Variants in RANBP2 observed in about 807,000 individuals in gnomAD.
The protein encoded by RANBP2 is RAN binding protein 2.
RANBP2 carries 57 observed loss-of-function variants against 303.6 expected under a neutral mutation model. The observed-to-expected ratio is 0.19, with a 90% CI of 0.15 to 0.23. RANBP2 has a LOEUF of 0.23. Among genes scored for constraint, RANBP2 ranks in the 10% least tolerant of loss-of-function variants. The pLI is 1.00. For synonymous variants in RANBP2, 1,167 were observed against 1,301.5 expected (o/e 0.90, Z 2.23); for missense variants, 3,138 against 3,780.8 (o/e 0.83, Z 4.46).
intron 7 of RANBP2, among the ~76,000 whole-genome samples, chr2:108,741,495 C>CT (rs34872068): frequency 0.17 from 10,601 of 61,820 alleles, 3,563 homozygotes; most frequent in East Asian, 0.69. Context: ...TGCGCCTGGC[C>CT]TTTTTTTTTT....
the RANBP2 span, among the ~76,000 whole-genome samples, chr2:109,277,128 G>T: frequency 3.9e-5 from 6 of 152,306 alleles, no homozygotes; most frequent in South Asian, 1.2e-3. Context: ...ACTGTAGGAG[G>T]GGGCATGGGG....
chr2:109,163,543 C>T, the RANBP2 span, among the ~76,000 whole-genome samples: 26 of 149,768 alleles, frequency 1.7e-4, no homozygotes, highest in East Asian at 1.2e-3. Context: ...GGACTACAGG[C>T]GCCCGCCACT....
chr2:109,139,396 CAT>C, the RANBP2 span, among the ~76,000 whole-genome samples: 1 of 151,864 alleles, frequency 6.6e-6, no homozygotes, highest in African/African-American at 2.4e-5. Context: ...GTAGTCTAAA[CAT>C]GTGCAGTATG....
the RANBP2 span, among the ~76,000 whole-genome samples, chr2:109,596,219 C>A: frequency 6.6e-6 from 1 of 152,064 alleles, no homozygotes; most frequent in African/African-American, 2.4e-5. Flanking sequence ...TTAAAAATTA[C>A]TGGTAAAAAA....
chr2:109,774,688 GGAA>G, the RANBP2 span, among the ~76,000 whole-genome samples: 3 of 47,712 alleles, frequency 6.3e-5, no homozygotes, highest in Admixed American at 3.9e-4. Flanking sequence ...TTAGACTAGT[GGAA>G]TTCTAATTAA....
At chr2:108,743,054 G>T (rs1171043125) in intron 7 of RANBP2, among the ~76,000 whole-genome samples, 3 of 152,242 alleles carry the variant, frequency 2.0e-5, no homozygotes, top group Non-Finnish European at 4.4e-5. Context: ...CTCCCAAAGT[G>T]CTGGCATTAT....
intron 6 of RANBP2, among the ~76,000 whole-genome samples, chr2:108,740,210 T>A (rs1250221333): frequency 6.6e-6 from 1 of 152,226 alleles, no homozygotes; most frequent in Non-Finnish European, 1.5e-5. Context: ...TTTTGAAATG[T>A]GCACCTATAA....
the RANBP2 span, among the ~76,000 whole-genome samples, chr2:109,370,244 T>TC: frequency 6.8e-6 from 1 of 147,122 alleles, no homozygotes; most frequent in Admixed American, 6.7e-5. Context: ...TCTCTCTTTT[T>TC]CTTTTTTTTT....
At chr2:108,981,375 C>T in the RANBP2 span, among the ~76,000 whole-genome samples, 2 of 152,194 alleles carry the variant, frequency 1.3e-5, no homozygotes, top group Non-Finnish European at 2.9e-5. Flanking sequence ...AGAAGAAAGG[C>T]TCCTGAGGTT....
the RANBP2 span, among the ~76,000 whole-genome samples, chr2:109,319,561 A>G: frequency 6.6e-6 from 1 of 152,248 alleles, no homozygotes; most frequent in Admixed American, 6.5e-5. Context: ...CACAGGGCTG[A>G]AAACAAGCCC....
Position 108,755,058 on chromosome 2 carries a change from T to A in RANBP2, c.2356T>A (p.Ser786Thr), listed in dbSNP as rs138739728. ...TTCTACACCGTCTCCTACCAGATAT[T>A]CACTATCACCAAGTAAAAGTTACAA... ...KHSTPSPTRY[S>T]LSPSKSYKYS... The change falls in exon 16 of 29, where the codon TCA becomes ACA. Residue 786 changes from serine to threonine, a missense_variant. Ser to Thr is a moderately conservative substitution (Grantham distance 58, BLOSUM62 1). Coordinates refer to ENST00000283195, the MANE Select transcript of RANBP2 (RefSeq NM_006267.5). 4 of 1,611,964 alleles carry A rather than the reference T, an allele frequency of 2.5e-6. No homozygotes were observed. Among genetic ancestry groups the A allele is most frequent in the Non-Finnish European group, 3.4e-6 (4 of 1,179,844 alleles).
At chr2:108,805,568 A>G in the RANBP2 span, among the ~76,000 whole-genome samples, 1 of 51,474 alleles carries the variant, frequency 1.9e-5, no homozygotes, top group Non-Finnish European at 4.7e-5. Flanking sequence ...TACCAAAAAT[A>G]CAAAAAAAAA....
At chr2:109,688,602 A>G in the RANBP2 span, among the ~76,000 whole-genome samples, 1 of 151,788 alleles carries the variant, frequency 6.6e-6, no homozygotes, top group African/African-American at 2.4e-5. Context: ...AACGTGGTGA[A>G]ACCTTGTCTC....
chr2:109,223,096 C>G, the RANBP2 span, among the ~76,000 whole-genome samples: 7 of 152,358 alleles, frequency 4.6e-5, no homozygotes, highest in East Asian at 1.3e-3. Flanking sequence ...CTTCTCCATC[C>G]CAGACAGGGG....
At chr2:109,426,993 G>A in the RANBP2 span, among the ~76,000 whole-genome samples, 2 of 151,458 alleles carry the variant, frequency 1.3e-5, no homozygotes, top group South Asian at 2.1e-4. Context: ...TTTTTGAGAC[G>A]AGTCTCGCTC....
chr2:109,276,368 A>G, the RANBP2 span, among the ~76,000 whole-genome samples: 1 of 152,206 alleles, frequency 6.6e-6, no homozygotes, highest in Non-Finnish European at 1.5e-5. Context: ...CCCGTAGTAG[A>G]TGTAGCAGCT....
chr2:109,265,704 G>A, the RANBP2 span, among the ~76,000 whole-genome samples: 3 of 152,238 alleles, frequency 2.0e-5, no homozygotes, highest in Non-Finnish European at 2.9e-5. Flanking sequence ...TCTGATTATA[G>A]TCAGAAACTC....
At chr2:109,703,942 T>C in the RANBP2 span, among the ~76,000 whole-genome samples, 2 of 152,226 alleles carry the variant, frequency 1.3e-5, no homozygotes, top group Non-Finnish European at 2.9e-5. Flanking sequence ...GTGGACACCA[T>C]GAGTAGCAGT....
At chr2:108,863,882 C>T in the RANBP2 span, among the ~76,000 whole-genome samples, 3,306 of 152,224 alleles carry the variant, frequency 0.022, 60 homozygotes, top group Non-Finnish European at 0.033. Flanking sequence ...AATTAATGAG[C>T]GCTTTTAGCC....
Sources: allele counts gnomAD v4.1 joint callset (sites outside exome capture counted in the v4.1 genomes callset), GRCh38; gene constraint gnomAD v4.1.1; transcripts MANE v1.5; gene names NCBI Gene and HGNC (gene_info 2026-07-23, HGNC 2026-07-21).